The following DAPK1 variants were observed in gnomAD, a reference collection of about 807,000 sequenced individuals.
DAPK1 encodes death associated protein kinase 1.
In DAPK1, 56 loss-of-function variants were observed where a neutral mutation model predicts 144.9. That is an observed-to-expected ratio of 0.39 (90% CI 0.31 to 0.48). The LOEUF (loss-of-function observed/expected upper bound fraction) is 0.48. Among genes scored for constraint, DAPK1 ranks in the 20% least tolerant of loss-of-function variants. The pLI is 0.95. For missense variants in DAPK1, 1,454 were observed against 1,875.4 expected (o/e 0.78, Z 4.15); for synonymous variants, 690 against 749.0 (o/e 0.92, Z 1.29).
chr9:87,502,999 A>G (rs1300125722), intron 2 of DAPK1, among the ~76,000 whole-genome samples: 1 of 152,158 alleles, frequency 6.6e-6, no homozygotes, highest in African/African-American at 2.4e-5. Context: ...GGGATGTAAG[A>G]TGCAAACGAT....
intron 3 of DAPK1, chr9:87,633,375 A>G: frequency 1.0e-6 from 1 of 985,182 alleles, no homozygotes; most frequent in Non-Finnish European, 1.2e-6. Context: ...GATGGAGTGA[A>G]TACATAGGGC....
chr9:87,708,179 AC>A lies in DAPK1; in HGVS notation c.*817del. 5 of 249,362 alleles carry A rather than the reference AC, an allele frequency of 2.0e-5. No individual in the cohort carries two copies. The South Asian group carries it at 2.5e-4, about 12-fold the overall frequency. The allele number at this position is 249,362 out of a possible 1,614,324, so 15.4% of individuals were successfully genotyped here. On this transcript the variant is annotated 3_prime_UTR_variant, in exon 26 of 26. Coordinates refer to ENST00000408954, the MANE Select transcript of DAPK1 (RefSeq NM_004938.4). The stretch of plus-strand genomic sequence containing the variant: ...ATGTCAATGTGAACGTCCACATGAA[AC>A]CTACACACTGTCATGCTTCATCATT...
At chr9:87,539,736 A>G (rs1438245470) in intron 2 of DAPK1, among the ~76,000 whole-genome samples, 1 of 152,064 alleles carries the variant, frequency 6.6e-6, no homozygotes, top group Admixed American at 6.6e-5. Flanking sequence ...CACCTTTCTG[A>G]GGAGAGCAAT....
rs574264137 is a variant in DAPK1, at chr9:87,681,696, TA to T, written c.2224+71del. 230 of 820,370 alleles carry T rather than the reference TA, an allele frequency of 2.8e-4. No homozygotes were observed. The African/African-American group carries it at 3.1e-3, about 11-fold the overall frequency. 50.8% of individuals were successfully genotyped at this position (820,370 alleles called of 1,614,324 possible). ...TTCCGCACTCTCTCCTTTCAAGGTC[TA>T]GGGGGGAAGGGAGTTGTGTTTGGGT... On this transcript the variant is annotated intron_variant, in intron 20 of 25. Transcript: ENST00000408954.
chr9:87,640,485 C>T (rs372170658), intron 8 of DAPK1, 35 bp downstream of exon 8: 19 of 1,603,560 alleles, frequency 1.2e-5, no homozygotes, highest in African/African-American at 8.0e-5. Flanking sequence ...TGCTTGGCCA[C>T]GGCCTCAGCC....
chr9:87,614,759 C>T (rs1700197163), intron 3 of DAPK1, among the ~76,000 whole-genome samples: 1 of 152,214 alleles, frequency 6.6e-6, no homozygotes, highest in South Asian at 2.1e-4. Flanking sequence ...GGCTCCCCGG[C>T]ACTGTGGCTG....
intron 2 of DAPK1, chr9:87,553,491 CT>C (rs367685991): frequency 0.18 from 26,676 of 144,376 alleles, 3,825 homozygotes; most frequent in African/African-American, 0.39. Flanking sequence ...TTTTTCTTTT[CT>C]TTTCTTTTTT....
intron 2 of DAPK1, among the ~76,000 whole-genome samples, chr9:87,581,926 G>A (rs1275152214): frequency 6.6e-6 from 1 of 152,146 alleles, no homozygotes; most frequent in Non-Finnish European, 1.5e-5. Context: ...AATGTAGTAA[G>A]ACATTTTAAC....
intron 2 of DAPK1, among the ~76,000 whole-genome samples, chr9:87,549,724 C>T (rs1421252222): frequency 6.6e-6 from 1 of 152,162 alleles, no homozygotes; most frequent in Non-Finnish European, 1.5e-5. Flanking sequence ...CAGCAATGCA[C>T]TTGTACAACT....
In DAPK1 at chr9:87,643,454, A is replaced by G. The variant is rs1233066191; in HGVS notation, c.997A>G (p.Ser333Gly). Residue 333 changes from serine (S) to glycine (G), a missense_variant, in exon 11 of 26, where the codon AGC (serine) becomes GGC (glycine). By Grantham distance (56) the Ser-to-Gly change is moderately conservative (BLOSUM62 0). Coordinates refer to ENST00000408954, the MANE Select transcript of DAPK1 (RefSeq NM_004938.4). ...LSRSNMSVAR[S>G]DDTLDEEDSF... ...CAGAAGTAACATGAGTGTTGCCAGAAGCGATGATACTCTGGTAAGCAAACC... is the reference window on the plus strand; with the variant it reads ...CAGAAGTAACATGAGTGTTGCCAGAGGCGATGATACTCTGGTAAGCAAACC... The G allele has an allele frequency of 6.2e-7, 1 of 1,609,246 alleles. No individual in the cohort carries two copies. Among genetic ancestry groups the G allele is most frequent in the Non-Finnish European group, 8.5e-7 (1 of 1,177,054 alleles).
intron 3 of DAPK1, among the ~76,000 whole-genome samples, chr9:87,621,144 G>A (rs1829280965): frequency 1.3e-5 from 2 of 152,220 alleles, no homozygotes. Context: ...ATTGCCTGGA[G>A]CAAGGATTCC....
intron 3 of DAPK1, among the ~76,000 whole-genome samples, chr9:87,626,475 C>T (rs1206125453): frequency 3.3e-5 from 5 of 152,138 alleles, no homozygotes; most frequent in South Asian, 4.2e-4. Flanking sequence ...AGTGAGGACG[C>T]GAAGCCAAAG....
chr9:87,538,381 A>G (rs1825930638), intron 2 of DAPK1, among the ~76,000 whole-genome samples: 1 of 152,188 alleles, frequency 6.6e-6, no homozygotes, highest in African/African-American at 2.4e-5. Flanking sequence ...TCATTTCCCA[A>G]GCATATCTGT....
chr9:87,545,174 C>G (rs1826197790), intron 2 of DAPK1, among the ~76,000 whole-genome samples: 1 of 152,218 alleles, frequency 6.6e-6, no homozygotes, highest in South Asian at 2.1e-4. Flanking sequence ...GTGCTTAACA[C>G]CTTTTATTCA....
intron 23 of DAPK1, 137 bp downstream of exon 23, chr9:87,698,931 T>C: frequency 1.7e-6 from 1 of 600,296 alleles, no homozygotes; most frequent in Middle Eastern, 3.1e-4. Flanking sequence ...TGGTCAACTC[T>C]TTTCTTGTAC....
intron 2 of DAPK1, among the ~76,000 whole-genome samples, chr9:87,590,495 C>T (rs1183581143): frequency 1.3e-5 from 2 of 152,000 alleles, no homozygotes; most frequent in Non-Finnish European, 2.9e-5. Flanking sequence ...TTCCGTCCAT[C>T]TTTCTCAGAA....
intron 19 of DAPK1, among the ~76,000 whole-genome samples, chr9:87,678,788 G>C (rs751017312): frequency 2.0e-5 from 3 of 152,160 alleles, no homozygotes; most frequent in Admixed American, 2.0e-4. Flanking sequence ...GACACCCAGC[G>C]TCTGGCTGCA....
At chr9:87,668,523 C>G (rs1003066448) in intron 18 of DAPK1, 74 bp from the exon 19 acceptor site, 1 of 869,792 alleles carries the variant, frequency 1.1e-6, no homozygotes, top group Non-Finnish European at 2.0e-6. Context: ...GCCTCAGACC[C>G]ACGGAATTGG....
At chr9:87,546,058 C>T (rs1316191939) in intron 2 of DAPK1, among the ~76,000 whole-genome samples, 1 of 152,160 alleles carries the variant, frequency 6.6e-6, no homozygotes, top group African/African-American at 2.4e-5. Flanking sequence ...GTCCAGCCAG[C>T]TCCTTGGCTG....
Sources: allele counts gnomAD v4.1 joint callset (sites outside exome capture counted in the v4.1 genomes callset), GRCh38; gene constraint gnomAD v4.1.1; transcripts MANE v1.5; gene names NCBI Gene and HGNC (gene_info 2026-07-23, HGNC 2026-07-21).